The following PABPC1L variants were observed in gnomAD, a reference collection of about 807,000 sequenced individuals.
The protein encoded by PABPC1L is poly(A) binding protein cytoplasmic 1 like.
In PABPC1L, 31 loss-of-function variants were observed where a neutral mutation model predicts 66.6. The ratio of observed to expected loss-of-function variants is 0.47; its 90% CI spans 0.35 to 0.63. The LOEUF (loss-of-function observed/expected upper bound fraction) is 0.63, where lower values mean the gene tolerates loss of function less well. Ranked by LOEUF, PABPC1L falls within the 20% of genes least tolerant of loss-of-function variation. The probability of loss-of-function intolerance (pLI) is 0.00; values close to 1 mark genes in which losing one functional copy is unlikely to be tolerated. For synonymous variants in PABPC1L, 348 were observed against 335.1 expected (o/e 1.04, Z -0.42); for missense variants, 722 against 848.8 (o/e 0.85, Z 1.86).
At chr20:44,919,668 A>C (rs2066760026) in intron 5 of PABPC1L, among the ~76,000 whole-genome samples, 1 of 152,180 alleles carries the variant, frequency 6.6e-6, no homozygotes, top group Admixed American at 6.5e-5. Flanking sequence ...CCTGGGCAAC[A>C]TAGCAAGACC....
At chr20:44,932,309 GC>G (rs750598351) in intron 8 of PABPC1L, 32 bp from the exon 9 acceptor site, 12 of 1,560,768 alleles carry the variant, frequency 7.7e-6, no homozygotes, top group Non-Finnish European at 1.0e-5. Flanking sequence ...CTGCCGCCAA[GC>G]CCCTCAGTCT....
chr20:44,922,010 C>T (rs2066777807), intron 6 of PABPC1L, among the ~76,000 whole-genome samples: 1 of 152,176 alleles, frequency 6.6e-6, no homozygotes. Flanking sequence ...CCACCCAGCC[C>T]ACTCAATCCC....
At chr20:44,928,886 G>GA (rs1181197441) in intron 7 of PABPC1L, among the ~76,000 whole-genome samples, 44 of 88,760 alleles carry the variant, frequency 5.0e-4, no homozygotes, top group South Asian at 4.4e-3. Flanking sequence ...AAAAAAAAAA[G>GA]AAAAAAAAAA....
intron 7 of PABPC1L, among the ~76,000 whole-genome samples, chr20:44,928,921 T>C (rs1005636327): frequency 2.3e-5 from 2 of 86,314 alleles, no homozygotes; most frequent in Non-Finnish European, 5.0e-5. Flanking sequence ...ATTTTAAAAA[T>C]AACTCTAGTC....
intron 7 of PABPC1L, 146 bp downstream of exon 7, chr20:44,924,402 G>A (rs1273258040): frequency 1.1e-5 from 7 of 619,602 alleles, no homozygotes; most frequent in East Asian, 5.6e-5. Flanking sequence ...TGCTGACCCC[G>A]TTGGAGCTTG....
chr20:44,920,320 C>T lies in PABPC1L; in HGVS notation c.738+1043C>T, dbSNP rs368700215. On this transcript the variant is annotated intron_variant, in intron 5 of 14. Coordinates refer to ENST00000217073, the MANE Select transcript of PABPC1L (RefSeq NM_001372179.1). ...CTCCATCTGTTCATTCCTCCATGCC[C>T]CTTAACCCCTGGCAACCAATGATCT... 1.3e-4 allele frequency among the ~76,000 whole-genome samples: 20 copies of T among 152,230 alleles called. No homozygotes were observed. The East Asian group carries it at 3.9e-3, about 29-fold the overall frequency.
At chr20:44,926,982 C>G (rs2066814050) in intron 7 of PABPC1L, among the ~76,000 whole-genome samples, 1 of 151,548 alleles carries the variant, frequency 6.6e-6, no homozygotes, top group Non-Finnish European at 1.5e-5. Flanking sequence ...CTCAAGTGAT[C>G]CTCCCACCTG....
intron 3 of PABPC1L, among the ~76,000 whole-genome samples, chr20:44,918,523 T>C (rs2145559787): frequency 6.6e-6 from 1 of 152,260 alleles, no homozygotes; most frequent in East Asian, 1.9e-4. Flanking sequence ...ACTCTGAGGC[T>C]CAGAGAGGTT....
rs889070825 is a variant in PABPC1L at position 44,918,886 on chromosome 20, C to G, written c.504-20C>G. 1 of 1,554,682 alleles carries G rather than the reference C, an allele frequency of 6.4e-7. No individual in the cohort carries two copies. The highest frequency in any genetic ancestry group is 1.2e-5 in the South Asian group (1 of 80,862). On this transcript the variant is annotated intron_variant, in intron 3 of 14. Coordinates refer to ENST00000217073, the MANE Select transcript of PABPC1L (RefSeq NM_001372179.1). The stretch of plus-strand genomic sequence containing the variant: ...GCTGGTAGCTGTCCACAGCCATGAG[C>G]CAGTGTGTCATGTCCACAGCTTTGT...
intron 7 of PABPC1L, among the ~76,000 whole-genome samples, chr20:44,928,108 G>A (rs773232875): frequency 1.1e-4 from 16 of 151,896 alleles, no homozygotes; most frequent in East Asian, 1.9e-4. Context: ...CCACTCTGTC[G>A]CCCAGACTGG....
rs1418677955 is a variant in PABPC1L, at chr20:44,910,104, C to CGAG, written c.-39_-38insAGG. On this transcript the variant is annotated 5_prime_UTR_variant, in exon 1 of 15. Transcript: ENST00000217073. ...GTGAGCGCGGGGCTGCTGGGTGACC[C>CGAG]GGCTCCTGCTTGCCCCGCAGCCCCG... The CGAG allele has an allele frequency of 6.6e-7, 1 of 1,505,344 alleles. No individual in the cohort carries two copies. The highest frequency in any genetic ancestry group is 1.4e-5 in the African/African-American group (1 of 70,254). 93.2% of individuals were successfully genotyped at this position (1,505,344 alleles called of 1,614,324 possible).
rs561620074 is a variant in PABPC1L, at chr20:44,917,821, T to C, written c.503+950T>C. 5.9e-5 allele frequency among the ~76,000 whole-genome samples: 9 copies of C among 152,316 alleles called. No homozygotes were observed. The South Asian group carries it at 1.7e-3, about 28-fold the overall frequency. On this transcript the variant is annotated intron_variant, in intron 3 of 14. Transcript: ENST00000217073. Reference sequence around the variant, plus strand: ...AGTCAACCTGTCAAACAAATCTTGGTGGGCTTTTCCCAGTTCTCAGAAGAA... The same window carrying C: ...AGTCAACCTGTCAAACAAATCTTGGCGGGCTTTTCCCAGTTCTCAGAAGAA...
At chr20:44,919,371 C>G in intron 5 of PABPC1L, 94 bp downstream of exon 5, 2 of 1,384,464 alleles carry the variant, frequency 1.4e-6, no homozygotes, top group South Asian at 2.5e-5. Flanking sequence ...AAGAAAGTCC[C>G]TCCCCGGCCT....
chr20:44,939,313 T>A lies in PABPC1L; in HGVS notation c.*194T>A, dbSNP rs2066925791. ...TTTGTGTATTAAAAGTGCTGCAAAA[T>A]CTGCCTTGCCTCCCAGGAGGCCCTT... On this transcript the variant is annotated 3_prime_UTR_variant, in exon 15 of 15. Transcript: ENST00000217073. 1.5e-6 allele frequency: 1 copy of A among 684,876 alleles called. No individual in the cohort carries two copies. Among genetic ancestry groups the A allele is most frequent in the Non-Finnish European group, 2.7e-6 (1 of 370,696 alleles). 42.4% of individuals were successfully genotyped at this position (684,876 alleles called of 1,614,324 possible).
chr20:44,937,661 C>T (rs2066911565), intron 12 of PABPC1L, among the ~76,000 whole-genome samples: 1 of 152,204 alleles, frequency 6.6e-6, no homozygotes, highest in African/African-American at 2.4e-5. Context: ...GTGATCCACC[C>T]ACCTCAGCCT....
rs775923203 is a variant in PABPC1L at position 44,919,062 on chromosome 20, G to A, written c.643+17G>A. ...CCCAGTTTGGTGGGTGTGTCCCCAA[G>A]GGAGCGGGGGGATCACTGTTTTTCC... On this transcript the variant is annotated intron_variant, in intron 4 of 14. Coordinates refer to ENST00000217073, the MANE Select transcript of PABPC1L (RefSeq NM_001372179.1). The A allele has an allele frequency of 6.2e-7, 1 of 1,610,304 alleles. No individual in the cohort carries two copies. The highest frequency in any genetic ancestry group is 8.5e-7 in the Non-Finnish European group (1 of 1,177,546).
intron 2 of PABPC1L, among the ~76,000 whole-genome samples, chr20:44,914,754 A>G (rs1182912106): frequency 6.6e-6 from 1 of 152,178 alleles, no homozygotes; most frequent in Non-Finnish European, 1.5e-5. Context: ...ATAATGGCAG[A>G]TTTATCATGT....
chr20:44,929,380 C>T (rs1239645245), intron 7 of PABPC1L, among the ~76,000 whole-genome samples: 1 of 152,124 alleles, frequency 6.6e-6, no homozygotes, highest in African/African-American at 2.4e-5. Context: ...GTCTGGAGTT[C>T]AGTTAATAGC....
intron 1 of PABPC1L, among the ~76,000 whole-genome samples, chr20:44,911,775 G>A (rs2066707112): frequency 6.6e-6 from 1 of 152,250 alleles, no homozygotes; most frequent in African/African-American, 2.4e-5. Flanking sequence ...AGTGGGACTC[G>A]GCCTGGAAAC....
Sources: gnomAD v4.1 joint callset for allele counts (sites outside exome capture counted in the v4.1 genomes callset) on GRCh38, gnomAD v4.1.1 for gene constraint, MANE v1.5 for transcripts, NCBI Gene and HGNC (gene_info 2026-07-23, HGNC 2026-07-21) for gene names.